The following IL13RA1 variants were observed in gnomAD, a reference collection of about 807,000 sequenced individuals.
IL13RA1 encodes the protein interleukin 13 receptor subunit alpha 1.
IL13RA1 carries 14 observed loss-of-function variants against 33.8 expected under a neutral mutation model. The ratio of observed to expected loss-of-function variants is 0.41; its 90% confidence interval spans 0.27 to 0.65. The LOEUF (loss-of-function observed/expected upper bound fraction) is 0.65, where lower values mean the gene tolerates loss of function less well. Among genes scored for constraint, IL13RA1 ranks in the 30% least tolerant of loss-of-function variants. IL13RA1 has a pLI of 0.28. For missense variants in IL13RA1, 313 were observed against 327.0 expected (o/e 0.96, Z 0.33); for synonymous variants, 116 against 115.7 (o/e 1.00, Z -0.02).
At chrX:118,798,788 G>GTGC, downstream of IL13RA1, among the ~76,000 whole-genome samples, 1 of 112,739 alleles carries the variant, frequency 8.9e-6, no homozygotes, top group South Asian at 3.6e-4. Context: ...AGGGGACAGC[G>GTGC]TGCTGGCAGT....
intron 1 of IL13RA1, among the ~76,000 whole-genome samples, chrX:118,736,722 T>A (rs773858270): frequency 2.7e-5 from 3 of 112,268 alleles, no homozygotes; most frequent in Non-Finnish European, 5.6e-5. Context: ...TCCTCCCACT[T>A]CAGTCTCCTG....
chrX:118,729,817 A>G (rs2017196513), intron 1 of IL13RA1, among the ~76,000 whole-genome samples: 1 of 112,059 alleles, frequency 8.9e-6, no homozygotes, highest in Non-Finnish European at 1.9e-5. Context: ...AAATTCGCAT[A>G]CCTGGCAAAG....
In IL13RA1 at chrX:118,727,665, G is replaced by A. The variant is rs1220654487; in HGVS notation, c.27G>A (p.Gly9=). 5 of 918,063 alleles carry A rather than the reference G, an allele frequency of 5.4e-6. No homozygotes were observed. The highest frequency in any genetic ancestry group is 6.7e-6 in the Non-Finnish European group (5 of 742,496). 75.7% of individuals were successfully genotyped at this position (918,063 alleles called of 1,213,427 possible). A position where few individuals can be genotyped will look rare whatever the true frequency, so the allele number is the denominator to read the frequency against. MEWPARLC[G]LWALLLCAGG... ...TGGAGTGGCCGGCGCGGCTCTGCGG[G>A]CTGTGGGCGCTGCTGCTCTGCGCCG... Residue 9 remains glycine, a synonymous_variant, in exon 1 of 11, where the codon GGG becomes GGA. Transcript: ENST00000371666.
intron 10 of IL13RA1, among the ~76,000 whole-genome samples, chrX:118,779,688 C>G (rs1044425324): frequency 3.6e-5 from 4 of 111,586 alleles, no homozygotes; most frequent in South Asian, 3.7e-4. Flanking sequence ...AAAGAAAATA[C>G]TGTAGTCATC....
At chrX:118,733,036 A>G (rs182617766) in intron 1 of IL13RA1, among the ~76,000 whole-genome samples, 2 of 112,229 alleles carry the variant, frequency 1.8e-5, no homozygotes, top group East Asian at 2.8e-4. Flanking sequence ...TATTTTGCTT[A>G]TCTGTTTATC....
chrX:118,728,048 CG>C (rs2017174886), intron 1 of IL13RA1, among the ~76,000 whole-genome samples: 2 of 112,223 alleles, frequency 1.8e-5, no homozygotes, highest in Admixed American at 9.3e-5. Context: ...TCCAGGCGTG[CG>C]GGGGCGGGGG....
At chrX:118,754,952 CTTTTTTTTTTTTTT>C (rs1182500547) in intron 4 of IL13RA1, among the ~76,000 whole-genome samples, 1 of 78,830 alleles carries the variant, frequency 1.3e-5, no homozygotes, top group Non-Finnish European at 2.5e-5. Context: ...TTTTTTTTTT[CTTTTTTTTTTTTTT>C]GGAGACAGAG....
At chrX:118,778,390 A>G (rs2017809015) in intron 10 of IL13RA1, among the ~76,000 whole-genome samples, 1 of 111,355 alleles carries the variant, frequency 9.0e-6, no homozygotes, top group Non-Finnish European at 1.9e-5. Context: ...ATGTAGACCC[A>G]GAAGTTAGGT....
At chrX:118,747,988 C>A (rs911122299) in intron 3 of IL13RA1, among the ~76,000 whole-genome samples, 2 of 89,241 alleles carry the variant, frequency 2.2e-5, no homozygotes, top group Non-Finnish European at 4.4e-5. Context: ...AGAATAGTGC[C>A]TGGCAAAGAG....
intron 10 of IL13RA1, among the ~76,000 whole-genome samples, chrX:118,790,270 C>T (rs1235996412): frequency 8.9e-6 from 1 of 112,169 alleles, no homozygotes; most frequent in Non-Finnish European, 1.9e-5. Context: ...TTTTACTCAG[C>T]ATAATGTGTT....
At chrX:118,784,000 TG>T (rs2017874812) in intron 10 of IL13RA1, among the ~76,000 whole-genome samples, 1 of 95,253 alleles carries the variant, frequency 1.0e-5, no homozygotes, top group Non-Finnish European at 2.0e-5. Flanking sequence ...CGCTTAAGCC[TG>T]GGAGGCGGAG....
downstream of IL13RA1, among the ~76,000 whole-genome samples, chrX:118,795,787 G>C (rs1213528575): frequency 8.9e-6 from 1 of 112,011 alleles, no homozygotes; most frequent in Non-Finnish European, 1.9e-5. Flanking sequence ...CTCTTTTGAA[G>C]GTGTAACTTA....
intron 4 of IL13RA1, among the ~76,000 whole-genome samples, chrX:118,757,668 A>G (rs1445016243): frequency 1.9e-5 from 2 of 104,296 alleles, no homozygotes; most frequent in Non-Finnish European, 3.9e-5. Context: ...GTCATTAAAA[A>G]GAATTCTGCC....
At chrX:118,745,595 A>G (rs2017395140) in intron 2 of IL13RA1, among the ~76,000 whole-genome samples, 2 of 112,079 alleles carry the variant, frequency 1.8e-5, no homozygotes, top group Admixed American at 1.9e-4. Flanking sequence ...TTTTGGGGGT[A>G]TCTCACAGTT....
chrX:118,779,724 G>C (rs780171518), intron 10 of IL13RA1, among the ~76,000 whole-genome samples: 12 of 111,971 alleles, frequency 1.1e-4, no homozygotes, highest in Admixed American at 1.0e-3. Context: ...ATAGGAACTT[G>C]AACTTAGGTG....
intron 10 of IL13RA1, among the ~76,000 whole-genome samples, 184 bp downstream of exon 10, chrX:118,776,695 G>T (rs962534907): frequency 5.5e-5 from 6 of 109,459 alleles, no homozygotes; most frequent in Admixed American, 4.9e-4. Context: ...ACTTTGGGAG[G>T]CTGAGGCAGG....
At chrX:118,739,198 ATC>A (rs1241660719) in intron 1 of IL13RA1, among the ~76,000 whole-genome samples, 1 of 112,150 alleles carries the variant, frequency 8.9e-6, no homozygotes, top group East Asian at 2.8e-4. Flanking sequence ...CCTCATCAAC[ATC>A]TGTTTTCTGA....
rs1411775169 is a variant in IL13RA1, at chrX:118,794,224, T to G, written c.*2370T>G. The stretch of plus-strand genomic sequence containing the variant: ...ATGGGAATACCTGTGGTGGTTGTGA[T>G]CCCTAGGTCTTGGGAGCTCTTGGAG... On this transcript the variant is annotated 3_prime_UTR_variant, in exon 11 of 11. Coordinates refer to ENST00000371666, the MANE Select transcript of IL13RA1 (RefSeq NM_001560.3). The G allele has an allele frequency of 8.9e-6, 1 of 111,917 alleles. No homozygotes were observed. Among genetic ancestry groups the G allele is most frequent in the Non-Finnish European group, 1.9e-5 (1 of 53,146 alleles). 9.2% of individuals were successfully genotyped at this position (111,917 alleles called of 1,213,427 possible).
chrX:118,785,724 C>A (rs2147402290), intron 10 of IL13RA1, among the ~76,000 whole-genome samples: 1 of 111,043 alleles, frequency 9.0e-6, no homozygotes, highest in East Asian at 2.8e-4. Flanking sequence ...GCACATGCCA[C>A]CATGCCTGGC....
Sources: gnomAD v4.1 joint callset for allele counts (sites outside exome capture counted in the v4.1 genomes callset) on GRCh38, gnomAD v4.1.1 for gene constraint, MANE v1.5 for transcripts, NCBI Gene and HGNC (gene_info 2026-07-23, HGNC 2026-07-21) for gene names.